Variants in GMDS observed in about 807,000 individuals in gnomAD.
The protein encoded by GMDS is GDP-mannose 4,6-dehydratase, also known as GDP-mannose 4,6 dehydratase.
Under a neutral mutation model 49.9 loss-of-function variants are expected in GMDS, and 20 were observed. The ratio of observed to expected loss-of-function variants is 0.40; its 90% confidence interval spans 0.28 to 0.58. The LOEUF (loss-of-function observed/expected upper bound fraction) is 0.58. Ranked by LOEUF, GMDS falls within the 20% of genes least tolerant of loss-of-function variation. The pLI is 0.42. For synonymous variants in GMDS, 177 were observed against 178.6 expected (o/e 0.99, Z 0.07); for missense variants, 362 against 481.4 (o/e 0.75, Z 2.32).
chr6:1,670,384 T>C (rs1436060450), intron 9 of GMDS, among the ~76,000 whole-genome samples: 3 of 150,218 alleles, frequency 2.0e-5, no homozygotes, highest in East Asian at 1.9e-4. Context: ...TTTTTTTTTT[T>C]CACCTGCACT....
rs751772367 is a variant in GMDS at position 1,899,226 on chromosome 6, T to C, written c.771+30877A>G. Among the ~76,000 whole-genome samples the C allele has an allele frequency of 2.0e-5, 3 of 152,174 alleles. No individual in the cohort carries two copies. In the East Asian group the frequency reaches 5.8e-4, roughly 29 times the overall value. ...AATAATTAGATAGTCATTTATGGTG[T>C]TATTTTTCTTCTCCAATCTTACTTA... is the stretch of plus-strand genomic sequence containing the variant. On this transcript the variant is annotated intron_variant, in intron 7 of 10. Coordinates refer to ENST00000380815, the MANE Select transcript of GMDS (RefSeq NM_001500.4).
intron 7 of GMDS, among the ~76,000 whole-genome samples, chr6:1,887,017 C>T (rs1445466127): frequency 6.6e-6 from 1 of 152,152 alleles, no homozygotes; most frequent in Non-Finnish European, 1.5e-5. Flanking sequence ...TTCACCACCA[C>T]ATGACATAAA....
chr6:1,990,604 G>T (rs180677170), intron 4 of GMDS, among the ~76,000 whole-genome samples: 2 of 152,154 alleles, frequency 1.3e-5, no homozygotes, highest in South Asian at 2.1e-4. Flanking sequence ...TTGAGACAGG[G>T]TCTCTTGTCA....
At chr6:2,178,446 G>A (rs781087151) in intron 1 of GMDS, among the ~76,000 whole-genome samples, 4 of 152,138 alleles carry the variant, frequency 2.6e-5, no homozygotes, top group African/African-American at 7.2e-5. Flanking sequence ...ACCAGATCTC[G>A]TGGGCACTGT....
chr6:2,187,166 T>C (rs987307145), intron 1 of GMDS, among the ~76,000 whole-genome samples: 1 of 152,228 alleles, frequency 6.6e-6, no homozygotes, highest in African/African-American at 2.4e-5. Context: ...CTTTCTGCAC[T>C]GAGGCAGGAA....
At position 2,191,638 on chromosome 6, in the gene GMDS, C is replaced by T. The variant is rs528222701; in HGVS notation, c.102+53683G>A. ...GGTTGGGGCCAAGCCGGGGAGCTGT[C>T]ACAGCCCAGCCAGGTATGTGAGGGT... is the stretch of plus-strand genomic sequence containing the variant. On this transcript the variant is annotated intron_variant, in intron 1 of 10. Coordinates refer to ENST00000380815, the MANE Select transcript of GMDS (RefSeq NM_001500.4). This position sits in a 1 kb window ranked among gnomAD's most constrained non-coding sequence, Gnocchi z 4.6. 1.3e-5 allele frequency among the ~76,000 whole-genome samples: 2 copies of T among 152,328 alleles called. No individual in the cohort carries two copies. Among genetic ancestry groups the T allele is most frequent in the South Asian group, 4.1e-4 (2 of 4,832 alleles).
chr6:2,112,041 G>A (rs899513741), intron 4 of GMDS, among the ~76,000 whole-genome samples: 20 of 152,084 alleles, frequency 1.3e-4, no homozygotes, highest in African/African-American at 3.4e-4. Context: ...CCTTCCCCAC[G>A]CCCGCTCTGG....
At chr6:2,222,196 G>A (rs1251104111) in intron 1 of GMDS, among the ~76,000 whole-genome samples, 4 of 152,170 alleles carry the variant, frequency 2.6e-5, no homozygotes, top group Non-Finnish European at 5.9e-5. Context: ...AGCACTCACT[G>A]TAAGAAGTAT....
At chr6:1,984,878 G>C (rs1765449740) in intron 4 of GMDS, among the ~76,000 whole-genome samples, 1 of 152,168 alleles carries the variant, frequency 6.6e-6, no homozygotes, top group Admixed American at 6.5e-5. Context: ...GGGTAGGAAT[G>C]GCCCAAAACA....
intron 4 of GMDS, among the ~76,000 whole-genome samples, chr6:2,114,583 G>A (rs993598068): frequency 1.1e-4 from 17 of 152,162 alleles, no homozygotes; most frequent in Admixed American, 9.8e-4. Flanking sequence ...GTGAAAGTCT[G>A]GATATAGAAC....
chr6:2,125,986 G>A (rs560274306), intron 1 of GMDS, among the ~76,000 whole-genome samples: 5 of 152,244 alleles, frequency 3.3e-5, no homozygotes, highest in Non-Finnish European at 5.9e-5. Context: ...AAATGAAGGT[G>A]TCTGACAAAA....
intron 9 of GMDS, among the ~76,000 whole-genome samples, chr6:1,716,923 G>A (rs972398003): frequency 5.3e-5 from 8 of 152,166 alleles, no homozygotes; most frequent in Non-Finnish European, 1.2e-4. Flanking sequence ...ATGTATCAGC[G>A]GTGTTTTCTG....
chr6:2,118,837 T>C (rs992989140), intron 2 of GMDS, among the ~76,000 whole-genome samples: 25 of 152,216 alleles, frequency 1.6e-4, no homozygotes, highest in African/African-American at 3.6e-4. Context: ...GATTTGGCTA[T>C]ACATATCCAC....
intron 1 of GMDS, among the ~76,000 whole-genome samples, chr6:2,179,027 G>A (rs573615162): frequency 3.9e-4 from 59 of 152,214 alleles, no homozygotes; most frequent in African/African-American, 1.3e-3. Flanking sequence ...CATAAACAGC[G>A]AATAAGAATG....
intron 7 of GMDS, among the ~76,000 whole-genome samples, chr6:1,788,694 G>A (rs964134385): frequency 1.3e-5 from 2 of 152,108 alleles, no homozygotes; most frequent in African/African-American, 2.4e-5. Context: ...CTCAAATGCT[G>A]GAATTTGGCT....
intron 1 of GMDS, among the ~76,000 whole-genome samples, chr6:2,183,605 C>A (rs1778650548): frequency 6.6e-6 from 1 of 152,178 alleles, no homozygotes; most frequent in South Asian, 2.1e-4. Flanking sequence ...TTAGCAGCAG[C>A]AGGGTTTGAG....
intron 7 of GMDS, among the ~76,000 whole-genome samples, chr6:1,753,785 T>C (rs1365868945): frequency 6.6e-6 from 1 of 152,214 alleles, no homozygotes; most frequent in African/African-American, 2.4e-5. Context: ...GAATGACTAC[T>C]GGGTAAATAA....
chr6:1,925,967 C>A (rs1761983208), intron 7 of GMDS, among the ~76,000 whole-genome samples: 1 of 152,200 alleles, frequency 6.6e-6, no homozygotes, highest in South Asian at 2.1e-4. Flanking sequence ...TACCAACAGG[C>A]ACCAGCACAC....
At chr6:1,665,310 T>C (rs1764204584) in intron 9 of GMDS, among the ~76,000 whole-genome samples, 1 of 152,192 alleles carries the variant, frequency 6.6e-6, no homozygotes, top group Non-Finnish European at 1.5e-5. Flanking sequence ...AGGGATTTGT[T>C]TCAATTCCTT....
Sources: allele counts gnomAD v4.1 joint callset (sites outside exome capture counted in the v4.1 genomes callset), GRCh38; gene constraint gnomAD v4.1.1; non-coding constraint Gnocchi (gnomAD v3.1); transcripts MANE v1.5; gene names NCBI Gene and HGNC (gene_info 2026-07-23, HGNC 2026-07-21).